ACD: variants seen among roughly 807,000 people sequenced by gnomAD.
ACD encodes ACD shelterin complex subunit and telomerase recruitment factor.
In ACD, 39 loss-of-function variants were observed where a neutral mutation model predicts 53.9. The observed-to-expected ratio is 0.72, with a 90% confidence interval of 0.56 to 0.95. The LOEUF is 0.95. Ranked by LOEUF, ACD falls within the 40% of genes least tolerant of loss-of-function variation. The pLI, the probability that ACD is intolerant of heterozygous loss-of-function variation, is 0.00. For missense variants in ACD, 526 were observed against 587.9 expected, an observed-to-expected ratio of 0.89 and a Z score of 1.09; for synonymous variants, 273 against 249.2, an observed-to-expected ratio of 1.10 and a Z score of -0.90.
chr16:67,658,407 G>C (rs761805085), intron 9 of ACD, 45 bp from the exon 10 acceptor site: 31 of 1,612,164 alleles, frequency 1.9e-5, no homozygotes, highest in Non-Finnish European at 8.5e-7. Flanking sequence ...TCTCCGCTCA[G>C]GGCAGCTGAG....
rs2052905300 is a variant in ACD at position 67,657,933 on chromosome 16, C to G, written c.1206+53G>C. On this transcript the variant is annotated intron_variant, in intron 10 of 11. Coordinates refer to ENST00000620761, the MANE Select transcript of ACD (RefSeq NM_001082486.2). The surrounding 1 kb of genome is among the most constrained non-coding windows in gnomAD (Gnocchi z 4.5). Reference sequence around the variant, plus strand: ...AGGCTACCCATGCTCCCTCCCAGCTCTACCTCAGGCCTTCCTTGTTCTACC... The same window carrying G: ...AGGCTACCCATGCTCCCTCCCAGCTGTACCTCAGGCCTTCCTTGTTCTACC... 6.2e-7 allele frequency: 1 copy of G among 1,606,484 alleles called. No individual in the cohort carries two copies. The highest frequency in any genetic ancestry group is 1.7e-5 in the Admixed American group (1 of 59,720).
chr16:67,659,489 G>C (rs375059830), intron 4 of ACD, 48 bp downstream of exon 4: 31 of 1,613,572 alleles, frequency 1.9e-5, no homozygotes, highest in African/African-American at 4.0e-5. Context: ...GCCAGCGCCG[G>C]CCAGGCTGGG....
At chr16:67,658,883 C>A (rs763823980) in intron 7 of ACD, 45 bp downstream of exon 7, 7 of 1,606,236 alleles carry the variant, frequency 4.4e-6, no homozygotes, top group Non-Finnish European at 5.1e-6. Flanking sequence ...TGACCCTTGC[C>A]CAACTCCTCA....
Position 67,659,025 on chromosome 16 carries a change from C to T in ACD, c.548G>A (p.Gly183Glu). 1 of 1,613,902 alleles carries T rather than the reference C, an allele frequency of 6.2e-7. No individual in the cohort carries two copies. Among genetic ancestry groups the T allele is most frequent in the Non-Finnish European group, 8.5e-7 (1 of 1,179,998 alleles). Reference protein sequence around the residue: ...DEMREDQEHQGALVCLAESCL... With the variant: ...DEMREDQEHQEALVCLAESCL... ...GCTTTCAGCCAGGCACACGAGTGCCCCCTGATGCTCCTGGTCCTCCCGCAT... is the reference window on the plus strand; with the variant it reads ...GCTTTCAGCCAGGCACACGAGTGCCTCCTGATGCTCCTGGTCCTCCCGCAT... Residue 183 changes from glycine (G) to glutamate (E), a missense_variant, in exon 7 of 12, where the codon GGG becomes GAG. By Grantham distance (98) the Gly-to-Glu change is moderately conservative. Transcript: ENST00000620761.
At chr16:67,658,500 C>T (rs1388749418) in intron 9 of ACD, 55 bp downstream of exon 9, 11 of 1,572,442 alleles carry the variant, frequency 7.0e-6, no homozygotes, top group Admixed American at 1.7e-5. Flanking sequence ...CTGCGCAGCC[C>T]GGGAACCTGA....
rs1210089565 is a variant in ACD, at chr16:67,658,828, G to A, written c.646-12C>T. 6.2e-7 allele frequency: 1 copy of A among 1,608,164 alleles called. No homozygotes were observed. Among genetic ancestry groups the A allele is most frequent in the Non-Finnish European group, 8.5e-7 (1 of 1,175,760 alleles). ...TACACAGCTTCTCCCTGTGGGACAT[G>A]AACTCTGTAGGACAGGCCCGTTTAC... On this transcript the variant is annotated splice_polypyrimidine_tract_variant and intron_variant, in intron 7 of 11. Transcript: ENST00000620761.
chr16:67,660,137 G>A lies in ACD; in HGVS notation c.84C>T (p.Ala28=), dbSNP rs1567642640. Residue 28 remains alanine (A), a synonymous_variant, in exon 1 of 12, where the codon GCC becomes GCT. Coordinates refer to ENST00000620761, the MANE Select transcript of ACD (RefSeq NM_001082486.2). ...LGSETPSSPR[A]GQLLEVLQDA... ...GGGGGCTCACCTCAAGCAGCTGCCC[G>A]GCTCGTGGACTGGAGGGTGTCTCTG... 2 of 1,612,538 alleles carry A rather than the reference G, an allele frequency of 1.2e-6. No homozygotes were observed. The highest frequency in any genetic ancestry group is 1.1e-5 in the South Asian group (1 of 91,086).
rs1242548524 is a variant in ACD at position 67,659,043 on chromosome 16, T to A, written c.530A>T (p.Glu177Val). 2 of 1,613,716 alleles carry A rather than the reference T, an allele frequency of 1.2e-6. No individual in the cohort carries two copies. The highest frequency in any genetic ancestry group is 2.7e-5 in the African/African-American group (2 of 74,880). ...SLSQLLDEMREDQEHQGALVC... is the reference protein window; with the variant it reads ...SLSQLLDEMRVDQEHQGALVC... ...GAGTGCCCCCTGATGCTCCTGGTCC[T>A]CCCGCATTTCATCCAGAAGCTGGGA... The change falls in exon 7 of 12, where the codon GAG becomes GTG. Residue 177 changes from glutamate to valine, a missense_variant. Glu to Val is a moderately radical substitution (Grantham distance 121). Coordinates refer to ENST00000620761, the MANE Select transcript of ACD (RefSeq NM_001082486.2).
intron 6 of ACD, 62 bp downstream of exon 6, chr16:67,659,167 A>C: frequency 6.2e-7 from 1 of 1,610,428 alleles, no homozygotes; most frequent in Non-Finnish European, 8.5e-7. Flanking sequence ...AGGAAGCATA[A>C]GGTTAAGGCT....
chr16:67,660,131 C>T lies in ACD; in HGVS notation c.90G>A (p.Gln30=), dbSNP rs1242526760. 1 of 1,612,448 alleles carries T rather than the reference C, an allele frequency of 6.2e-7. No individual in the cohort carries two copies. Among genetic ancestry groups the T allele is most frequent in the African/African-American group, 1.3e-5 (1 of 74,926 alleles). The change falls in exon 1 of 12, where the codon CAG becomes CAA. Residue 30 remains glutamine, a synonymous_variant. Transcript: ENST00000620761. ...CTGAATGGGGGCTCACCTCAAGCAG[C>T]TGCCCGGCTCGTGGACTGGAGGGTG... ...SETPSSPRAG[Q]LLEVLQDAEA...
rs1303562362 is a variant in ACD at position 67,657,786 on chromosome 16, A to C, written c.1274T>G (p.Leu425Arg). Residue 425 changes from leucine (L) to arginine (R), a missense_variant, in exon 11 of 12, where the codon CTC becomes CGC. Coordinates refer to ENST00000620761, the MANE Select transcript of ACD (RefSeq NM_001082486.2). The surrounding 1 kb of genome is among the most constrained non-coding windows in gnomAD (Gnocchi z 4.5). Reference sequence around the variant, plus strand: ...CCTGACAGCTTGGACCCGAGCACAGAGGGACGTGCAGGGTGGCTCATACTC... The same window carrying C: ...CCTGACAGCTTGGACCCGAGCACAGCGGGACGTGCAGGGTGGCTCATACTC... ...QYEYEPPCTSLCARVQAVRLP... is the reference protein window; with the variant it reads ...QYEYEPPCTSRCARVQAVRLP... 45 of 1,613,946 alleles carry C rather than the reference A, an allele frequency of 2.8e-5. No homozygotes were observed. The highest frequency in any genetic ancestry group is 3.8e-5 in the Non-Finnish European group (45 of 1,180,018).
In ACD at chr16:67,659,466, C is replaced by T. The variant is rs769159666; in HGVS notation, c.414-47G>A. The T allele has an allele frequency of 5.0e-6, 8 of 1,613,952 alleles. No homozygotes were observed. The South Asian group carries it at 7.7e-5, about 16-fold the overall frequency. On this transcript the variant is annotated intron_variant, in intron 4 of 11. Coordinates refer to ENST00000620761, the MANE Select transcript of ACD (RefSeq NM_001082486.2). Reference sequence around the variant, plus strand: ...TTAATGGGGGCCCAAGCCCTCCTACCCCATAGGCGTCTGCCAGCGCCGGCC... The same window carrying T: ...TTAATGGGGGCCCAAGCCCTCCTACTCCATAGGCGTCTGCCAGCGCCGGCC...
Position 67,658,091 on chromosome 16 carries a change from T to C in ACD, c.1101A>G (p.Lys367=). Residue 367 remains lysine (K), a synonymous_variant, in exon 10 of 12, where the codon AAA becomes AAG. Transcript: ENST00000620761. The part of the protein sequence containing the change: ...PHQALVTRPQ[K]PSLEFKEFVG... Reference sequence around the variant, plus strand: ...CAAACTCCTTGAACTCCAGGCTAGGTTTCTGGGGCCTGGTCACAAGAGCCT... The same window carrying C: ...CAAACTCCTTGAACTCCAGGCTAGGCTTCTGGGGCCTGGTCACAAGAGCCT... The C allele has an allele frequency of 6.4e-7, 1 of 1,571,170 alleles. No individual in the cohort carries two copies. Among genetic ancestry groups the C allele is most frequent in the Non-Finnish European group, 8.6e-7 (1 of 1,159,662 alleles).
At position 67,657,775 on chromosome 16, in the gene ACD, C is replaced by T. The variant is rs2052899338; in HGVS notation, c.1285G>A (p.Val429Ile). Residue 429 changes from valine (V) to isoleucine (I), a missense_variant, in exon 11 of 12, where the codon GTC (valine) becomes ATC (isoleucine). Val to Ile is a conservative substitution (Grantham distance 29, BLOSUM62 3). Transcript: ENST00000620761. This position sits in a 1 kb window ranked among gnomAD's most constrained non-coding sequence, Gnocchi z 4.5. ...EPPCTSLCAR[V>I]QAVRLPPQLM... is the part of the protein sequence containing the mutation. ...CCAGGCACTCACCTGACAGCTTGGA[C>T]CCGAGCACAGAGGGACGTGCAGGGT... The T allele has an allele frequency of 6.2e-7, 1 of 1,614,046 alleles. No homozygotes were observed.
In ACD at chr16:67,658,931, G is replaced by T. The variant is rs375866577; in HGVS notation, c.642C>A (p.Ala214=). The T allele has an allele frequency of 6.2e-7, 1 of 1,613,446 alleles. No homozygotes were observed. The highest frequency in any genetic ancestry group is 2.2e-5 in the East Asian group (1 of 44,882). The part of the protein sequence containing the change: ...VTHWAASRCK[A]TGEAVYTVPS... ...CCAAGCAAATCCCCAGACTGACCGT[G>T]GCCTTGCATCGTGAGGCAGCCCAGT... Residue 214 remains alanine (A), a synonymous_variant, in exon 7 of 12, where the codon GCC becomes GCA. Coordinates refer to ENST00000620761, the MANE Select transcript of ACD (RefSeq NM_001082486.2).
Position 67,659,073 on chromosome 16 carries a change from G to A in ACD, c.500C>T (p.Ser167Leu), listed in dbSNP as rs1469927840. ...CATTTCATCCAGAAGCTGGGACAGT[G>A]ATAGGCCTGGGGACAGGGGACCATG... ...SESTSSNAGL[S>L]LSQLLDEMRE... is the part of the protein sequence containing the mutation. Residue 167 changes from serine (S) to leucine (L), a missense_variant, in exon 7 of 12, where the codon TCA becomes TTA. By Grantham distance (145) the Ser-to-Leu change is moderately radical (BLOSUM62 -2). Coordinates refer to ENST00000620761, the MANE Select transcript of ACD (RefSeq NM_001082486.2). 6.2e-7 allele frequency: 1 copy of A among 1,613,980 alleles called. No individual in the cohort carries two copies. The highest frequency in any genetic ancestry group is 1.7e-5 in the Admixed American group (1 of 60,014).
intron 6 of ACD, 48 bp downstream of exon 6, chr16:67,659,181 G>A (rs1248653527): frequency 2.5e-6 from 4 of 1,613,184 alleles, no homozygotes; most frequent in Non-Finnish European, 3.4e-6. Context: ...TAAGGCTGGA[G>A]AGATCACTGC....
chr16:67,658,211 G>A lies in ACD; in HGVS notation c.981C>T (p.Thr327=), dbSNP rs758239452. The A allele has an allele frequency of 7.4e-6, 12 of 1,613,156 alleles. No homozygotes were observed. The highest frequency in any genetic ancestry group is 3.3e-5 in the Admixed American group (2 of 59,978). The change falls in exon 10 of 12, where the codon ACC becomes ACT. Residue 327 remains threonine (T), a synonymous_variant. Transcript: ENST00000620761. The stretch of plus-strand genomic sequence containing the variant: ...TACGGCTGGCGTGTGGGGACCTGGG[G>A]GTCAGGGTGGCAGGGGCTGAGCAGA... The part of the protein sequence containing the change: ...PAICSAPATL[T]PRSPHASRTP...
In ACD at chr16:67,659,749, G is replaced by T; in HGVS notation, c.289C>A (p.Leu97Met). Residue 97 changes from leucine (L) to methionine (M), a missense_variant, in exon 3 of 12, where the codon CTG (leucine) becomes ATG (methionine). Transcript: ENST00000620761. Reference sequence around the variant, plus strand: ...ACATGAACCCCGCAGTCCTGCAGCAGCAGCAGCCGGCCCTCTGTCCCGCGG... The same window carrying T: ...ACATGAACCCCGCAGTCCTGCAGCATCAGCAGCCGGCCCTCTGTCCCGCGG... ...GFRGTEGRLL[L>M]LQDCGVHVQV... is the part of the protein sequence containing the mutation. 6.2e-7 allele frequency: 1 copy of T among 1,612,920 alleles called. No homozygotes were observed.
Sources: gnomAD v4.1 joint callset for allele counts on GRCh38, gnomAD v4.1.1 for gene constraint, Gnocchi (gnomAD v3.1) non-coding constraint, MANE v1.5 for transcripts, NCBI Gene and HGNC (gene_info 2026-07-23, HGNC 2026-07-21) for gene names.